Variants in TJP1 observed in about 807,000 individuals in gnomAD.
TJP1 encodes tight junction protein 1.
A neutral mutation model predicts 194.2 loss-of-function variants in TJP1; 43 were observed. The ratio of observed to expected loss-of-function variants is 0.22; its 90% CI spans 0.17 to 0.29. The LOEUF (loss-of-function observed/expected upper bound fraction) is 0.29. TJP1 is among the 10% of genes least tolerant of loss of function. The probability of loss-of-function intolerance (pLI) is 1.00; values close to 1 mark genes in which losing one functional copy is unlikely to be tolerated. For synonymous variants in TJP1, 801 were observed against 779.0 expected (o/e 1.03, Z -0.47); for missense variants, 1,971 against 2,185.7 (o/e 0.90, Z 1.96).
chr15:29,903,736 G>A (rs148586399), intron 2 of TJP1, among the ~76,000 whole-genome samples: 1 of 152,274 alleles, frequency 6.6e-6, no homozygotes, highest in East Asian at 1.9e-4. Context: ...GAGCTACCAC[G>A]CCCGGCCCAA....
chr15:29,734,209 T>C, intron 12 of TJP1, 65 bp downstream of exon 12: 1 of 1,132,552 alleles, frequency 8.8e-7, no homozygotes, highest in Admixed American at 2.4e-5. Context: ...AAAAATGGAA[T>C]AAATCCCTTT....
At chr15:29,742,832 G>C in intron 8 of TJP1, 51 bp from the exon 9 acceptor site, 1 of 1,517,162 alleles carries the variant, frequency 6.6e-7, no homozygotes. Context: ...ATTCTGGAAA[G>C]CATCTGTAAG....
At chr15:29,713,744 T>C (rs2042383711) in intron 23 of TJP1, among the ~76,000 whole-genome samples, 2 of 152,206 alleles carry the variant, frequency 1.3e-5, no homozygotes, top group Non-Finnish European at 2.9e-5. Context: ...TTATCTTCCA[T>C]GACCCTTATT....
chr15:29,936,015 C>T (rs2054869301), intron 2 of TJP1, among the ~76,000 whole-genome samples: 1 of 152,080 alleles, frequency 6.6e-6, no homozygotes, highest in East Asian at 1.9e-4. Context: ...GTAGCATCCC[C>T]ACCTTCTCCC....
chr15:29,912,196 A>C (rs2054036630), intron 2 of TJP1, among the ~76,000 whole-genome samples: 1 of 152,220 alleles, frequency 6.6e-6, no homozygotes, highest in Admixed American at 6.5e-5. Context: ...CACTAAGCCC[A>C]TTCATGAAGG....
intron 2 of TJP1, among the ~76,000 whole-genome samples, chr15:29,886,966 G>C (rs1034874964): frequency 6.6e-6 from 1 of 152,010 alleles, no homozygotes; most frequent in African/African-American, 2.4e-5. Flanking sequence ...GAGTCCTGCA[G>C]GGGGACTGGC....
At chr15:29,900,321 G>C (rs1323640229) in intron 2 of TJP1, among the ~76,000 whole-genome samples, 1 of 152,174 alleles carries the variant, frequency 6.6e-6, no homozygotes, top group Non-Finnish European at 1.5e-5. Context: ...TGAGATGAAA[G>C]GGCAAGCCAA....
chr15:29,701,939 AGTTTTTT>A (rs1038485537), intron 27 of TJP1, among the ~76,000 whole-genome samples: 15 of 152,346 alleles, frequency 9.8e-5, no homozygotes, highest in African/African-American at 2.4e-4. Flanking sequence ...CATTAAGAAC[AGTTTTTT>A]GTTTTTTGTT....
At chr15:29,699,437 G>A (rs2041413666), downstream of TJP1, 1 of 152,220 alleles carries the variant, frequency 6.6e-6, no homozygotes, top group Admixed American at 6.5e-5. Flanking sequence ...CATCCTGCCA[G>A]GGGCTGGAAG....
rs542341030 is a variant in TJP1, at chr15:29,705,975, A to G, written c.4851-230T>C. The stretch of plus-strand genomic sequence containing the variant: ...GAGACAGAGTCTCACTCTGTCGCCC[A>G]GGCTGGAGTGCAGTGGCACAATCTT... On this transcript the variant is annotated intron_variant, in intron 25 of 27. Transcript: ENST00000614355. Among the ~76,000 whole-genome samples the G allele has an allele frequency of 2.7e-3, 411 of 152,338 alleles. 2 individuals are homozygous for G. The highest frequency in any genetic ancestry group is 3.7e-3 in the Admixed American group (57 of 15,306).
intron 16 of TJP1, among the ~76,000 whole-genome samples, chr15:29,727,686 A>G (rs1460871032): frequency 6.6e-6 from 1 of 152,230 alleles, no homozygotes; most frequent in Non-Finnish European, 1.5e-5. Flanking sequence ...GATATAATAT[A>G]TAAGCAGTCT....
At position 29,732,749 on chromosome 15, in the gene TJP1, G is replaced by A. The variant is rs949869354; in HGVS notation, c.1803C>T (p.Phe601=). ...AGCTGCGAAGACCTCTGAATCTCCAGAAGTCAGCACGGTCTCCGCCTGCTG... is the reference window on the plus strand; with the variant it reads ...AGCTGCGAAGACCTCTGAATCTCCAAAAGTCAGCACGGTCTCCGCCTGCTG... The part of the protein sequence containing the change: ...PKTAGGDRAD[F]WRFRGLRSSK... The change falls in exon 14 of 28, where the codon TTC becomes TTT. Residue 601 remains phenylalanine, a synonymous_variant. Transcript: ENST00000614355. 3 of 1,614,162 alleles carry A rather than the reference G, an allele frequency of 1.9e-6. No individual in the cohort carries two copies. Among genetic ancestry groups the A allele is most frequent in the Non-Finnish European group, 2.5e-6 (3 of 1,180,036 alleles).
chr15:29,778,220 T>C lies in TJP1; in HGVS notation c.85-4863A>G, dbSNP rs142653962. 1.3e-3 allele frequency among the ~76,000 whole-genome samples: 197 copies of C among 152,166 alleles called. 1 individual carries two copies. The highest frequency in any genetic ancestry group is 2.2e-3 in the Non-Finnish European group (151 of 67,992). ...ACTATCCAGGAGCCCTGCGACTTCT[T>C]ACCCAGGCTGCAGGTAAGAATCACT... On this transcript the variant is annotated intron_variant, in intron 2 of 27. Transcript: ENST00000614355.
intron 1 of TJP1, chr15:29,968,135 G>C (rs1052302619): frequency 1.6e-5 from 16 of 985,290 alleles, no homozygotes; most frequent in Non-Finnish European, 1.8e-5. Flanking sequence ...GAACTGGAAC[G>C]CATGCAGGTG....
upstream of TJP1, chr15:29,822,633 C>T (rs1236126885): frequency 6.8e-6 from 2 of 292,716 alleles, no homozygotes; most frequent in South Asian, 1.3e-4. Context: ...AGCCGGGTAA[C>T]CCAAGTAACT....
At chr15:29,794,259 G>A (rs2048272816) in intron 2 of TJP1, among the ~76,000 whole-genome samples, 1 of 152,130 alleles carries the variant, frequency 6.6e-6, no homozygotes, top group South Asian at 2.1e-4. Context: ...TCTCTGTGAT[G>A]AGGCTCAGAG....
Position 29,726,453 on chromosome 15 carries a change from C to A in TJP1, c.2338G>T (p.Asp780Tyr). The A allele has an allele frequency of 6.2e-7, 1 of 1,614,106 alleles. No individual in the cohort carries two copies. The highest frequency in any genetic ancestry group is 8.5e-7 in the Non-Finnish European group (1 of 1,180,000). ...TTTINLNSMN[D>Y]GWYGALKEAI... ...TCTTTCAGCGCACCATACCAACCAT[C>A]ATTCATTGAATTTAAGTTAATTGTA... Residue 780 changes from aspartate to tyrosine, a missense_variant, in exon 18 of 28, where the codon GAT becomes TAT. By Grantham distance (160) the Asp-to-Tyr change is radical. This residue lies in a region of TJP1 where 402 missense variants were observed against 484.2 expected (regional missense o/e 0.83). Transcript: ENST00000614355.
chr15:29,701,692 A>T lies in TJP1; in HGVS notation c.5213-3T>A. ...GTTTTGCCAGGTTTTAGGATCACCTATGAGAGAAAAGAAGTTGATGTCATT... is the reference window on the plus strand; with the variant it reads ...GTTTTGCCAGGTTTTAGGATCACCTTTGAGAGAAAAGAAGTTGATGTCATT... On this transcript the variant is annotated splice_region_variant and splice_polypyrimidine_tract_variant and intron_variant, in intron 27 of 27. Coordinates refer to ENST00000614355, the MANE Select transcript of TJP1 (RefSeq NM_001330239.4). The T allele has an allele frequency of 6.2e-6, 10 of 1,612,466 alleles. No homozygotes were observed. The highest frequency in any genetic ancestry group is 8.5e-6 in the Non-Finnish European group (10 of 1,178,540).
At chr15:29,820,276 A>T (rs2032) in intron 1 of TJP1, among the ~76,000 whole-genome samples, 120,454 of 151,816 alleles carry the variant, frequency 0.79, 48,301 homozygotes, top group East Asian at 0.85. Flanking sequence ...CAAAAATTAA[A>T]TGTGACTTAC....
Sources: allele counts gnomAD v4.1 joint callset (sites outside exome capture counted in the v4.1 genomes callset), GRCh38; gene constraint gnomAD v4.1.1; regional missense constraint gnomAD v4.1.1; transcripts MANE v1.5; gene names NCBI Gene and HGNC (gene_info 2026-07-23, HGNC 2026-07-21).